The following RBM33 variants were observed in gnomAD, a reference collection of about 807,000 sequenced individuals.
RBM33 encodes the protein RNA binding motif protein 33.
Under a neutral mutation model 132.6 loss-of-function variants are expected in RBM33, and 28 were observed. The ratio of observed to expected loss-of-function variants is 0.21; its 90% CI spans 0.16 to 0.29. RBM33 has a LOEUF of 0.29. RBM33 is among the 10% of genes least tolerant of loss of function. The probability of loss-of-function intolerance (pLI) is 1.00; values close to 1 mark genes in which losing one functional copy is unlikely to be tolerated. For missense variants in RBM33, 1,291 were observed against 1,518.5 expected (o/e 0.85, Z 2.49); for synonymous variants, 634 against 593.0 (o/e 1.07, Z -1.01).
chr7:155,733,800 T>C (rs571027077), intron 9 of RBM33, among the ~76,000 whole-genome samples: 1 of 152,344 alleles, frequency 6.6e-6, no homozygotes, highest in South Asian at 2.1e-4. Context: ...CTTCCTGTTT[T>C]GTCACCTAGA....
chr7:155,704,012 C>T (rs1800041625), intron 6 of RBM33, among the ~76,000 whole-genome samples: 1 of 152,082 alleles, frequency 6.6e-6, no homozygotes, highest in Admixed American at 6.5e-5. Context: ...GAGGGAGAAT[C>T]AAATGATGCA....
chr7:155,648,367 A>G (rs983957398), intron 1 of RBM33, among the ~76,000 whole-genome samples: 1 of 152,226 alleles, frequency 6.6e-6, no homozygotes, highest in African/African-American at 2.4e-5. Flanking sequence ...CCTAGCTGTT[A>G]AGAAAGGGAA....
chr7:155,732,950 A>G (rs1471095794), intron 9 of RBM33, among the ~76,000 whole-genome samples: 1 of 152,204 alleles, frequency 6.6e-6, no homozygotes, highest in African/African-American at 2.4e-5. Flanking sequence ...TCCAGCCTTC[A>G]GGAGCCTGGC....
chr7:155,661,264 G>C (rs980609851), intron 1 of RBM33, among the ~76,000 whole-genome samples: 1 of 149,762 alleles, frequency 6.7e-6, no homozygotes, highest in Non-Finnish European at 1.5e-5. Flanking sequence ...TCAACCTCCC[G>C]AGTAGCTGGG....
intron 9 of RBM33, among the ~76,000 whole-genome samples, chr7:155,725,302 A>G (rs1447824364): frequency 6.7e-6 from 1 of 148,962 alleles, no homozygotes; most frequent in South Asian, 2.1e-4. Flanking sequence ...AGTGATCACT[A>G]TATTCCACAG....
At chr7:155,746,948 G>A (rs140794313) in intron 14 of RBM33, among the ~76,000 whole-genome samples, 2 of 152,316 alleles carry the variant, frequency 1.3e-5, no homozygotes, top group African/African-American at 4.8e-5. Context: ...GAAGGAGAAC[G>A]TTACTTCGTC....
rs998699650 is a variant in RBM33 at position 155,777,522 on chromosome 7, G to C, written c.*2481G>C. The C allele has an allele frequency of 1.3e-5, 2 of 152,262 alleles. No homozygotes were observed. The highest frequency in any genetic ancestry group is 2.9e-5 in the Non-Finnish European group (2 of 68,042). 9.4% of individuals were successfully genotyped at this position (152,262 alleles called of 1,614,324 possible). On this transcript the variant is annotated 3_prime_UTR_variant, in exon 18 of 18. Transcript: ENST00000401878. The stretch of plus-strand genomic sequence containing the variant: ...CAGAATGAGAAAGGAATGGTACTTA[G>C]GTGTTTGGTATGCTGCTCACGTGAA...
At chr7:155,703,889 CTG>C (rs1265082339) in intron 6 of RBM33, among the ~76,000 whole-genome samples, 1 of 152,062 alleles carries the variant, frequency 6.6e-6, no homozygotes, top group Non-Finnish European at 1.5e-5. Context: ...TTTGCCTACT[CTG>C]TAATGGGATT....
chr7:155,759,412 G>GTTTTTTT (rs1801955596), intron 14 of RBM33, among the ~76,000 whole-genome samples: 2 of 128,648 alleles, frequency 1.6e-5, no homozygotes, highest in Non-Finnish European at 3.2e-5. Flanking sequence ...CAATGTTTAT[G>GTTTTTTT]TTCTTTTTTT....
chr7:155,711,150 G>A, intron 7 of RBM33, 53 bp from the exon 8 acceptor site: 2 of 1,208,868 alleles, frequency 1.7e-6, no homozygotes, highest in African/African-American at 3.3e-5. Flanking sequence ...GTGAACTTTT[G>A]TTTTTTTTTT....
At chr7:155,721,179 G>C (rs1361015438) in intron 9 of RBM33, among the ~76,000 whole-genome samples, 2 of 152,082 alleles carry the variant, frequency 1.3e-5, no homozygotes, top group Non-Finnish European at 2.9e-5. Context: ...AGTCATAGTT[G>C]TGTGTTTACT....
At chr7:155,696,729 C>G (rs1267409908) in intron 5 of RBM33, among the ~76,000 whole-genome samples, 1 of 152,056 alleles carries the variant, frequency 6.6e-6, no homozygotes, top group East Asian at 1.9e-4. Flanking sequence ...GATTTTATTT[C>G]CATTTGACTG....
chr7:155,744,293 A>G (rs976360068), intron 13 of RBM33, among the ~76,000 whole-genome samples: 1 of 152,238 alleles, frequency 6.6e-6, no homozygotes, highest in Non-Finnish European at 1.5e-5. Context: ...GATGCTTTTT[A>G]TTGAAAGTTA....
intron 5 of RBM33, chr7:155,685,008 T>G (rs1410913074): frequency 6.4e-7 from 1 of 1,550,400 alleles, no homozygotes; most frequent in Non-Finnish European, 8.7e-7. Context: ...TGAAGATGAA[T>G]TAGATGAGAT....
rs191395944 is a variant in RBM33, at chr7:155,644,702, C to T, written c.-175C>T. ...CCATGTTGCGGTAGTTTGTTGTTTT[C>T]TTCCTGCGGAGGCGAAGGGCCAGCT... On this transcript the variant is annotated 5_prime_UTR_variant, in exon 1 of 18. Transcript: ENST00000401878. 4.2e-6 allele frequency: 2 copies of T among 481,914 alleles called. No individual in the cohort carries two copies. Among genetic ancestry groups the T allele is most frequent in the African/African-American group, 2.0e-5 (1 of 49,118 alleles). The allele number at this position is 481,914 out of a possible 1,614,324, so 29.9% of individuals were successfully genotyped here.
chr7:155,676,309 G>C (rs540881291), intron 3 of RBM33, among the ~76,000 whole-genome samples: 4 of 152,168 alleles, frequency 2.6e-5, no homozygotes, highest in Admixed American at 6.5e-5. Flanking sequence ...GAGCTTTTAG[G>C]AAGTGGGTAA....
At chr7:155,736,920 C>T (rs1259301684) in intron 9 of RBM33, among the ~76,000 whole-genome samples, 2 of 152,064 alleles carry the variant, frequency 1.3e-5, no homozygotes, top group Admixed American at 6.5e-5. Context: ...CTAGTTGCTG[C>T]GTTTTGATTT....
intron 4 of RBM33, among the ~76,000 whole-genome samples, chr7:155,679,335 A>G (rs1248436869): frequency 6.6e-6 from 1 of 152,094 alleles, no homozygotes; most frequent in African/African-American, 2.4e-5. Flanking sequence ...TCTCAACACC[A>G]TTGCAGTTCG....
chr7:155,716,163 C>A (rs1483441824), intron 8 of RBM33, among the ~76,000 whole-genome samples: 1 of 152,180 alleles, frequency 6.6e-6, no homozygotes, highest in African/African-American at 2.4e-5. Context: ...GTCGGGCAGC[C>A]AGGGCCTGGC....
Sources: gnomAD v4.1 joint callset for allele counts (sites outside exome capture counted in the v4.1 genomes callset) on GRCh38, gnomAD v4.1.1 for gene constraint, MANE v1.5 for transcripts, NCBI Gene and HGNC (gene_info 2026-07-23, HGNC 2026-07-21) for gene names.